The following GBE1 variants were observed in gnomAD, a reference collection of about 807,000 sequenced individuals.
The protein encoded by GBE1 is 1,4-alpha-glucan-branching enzyme.
In GBE1, 70 loss-of-function variants were observed where a neutral mutation model predicts 88.8. The observed-to-expected ratio is 0.79, with a 90% confidence interval of 0.65 to 0.96. GBE1 has a LOEUF of 0.96. Among genes scored for constraint, GBE1 ranks in the 40% least tolerant of loss-of-function variants. The pLI, the probability that GBE1 is intolerant of heterozygous loss-of-function variation, is 0.00. For synonymous variants in GBE1, 284 were observed against 300.1 expected, an observed-to-expected ratio of 0.95 and a Z score of 0.56; for missense variants, 872 against 871.0, an observed-to-expected ratio of 1.00 and a Z score of -0.01.
chr3:81,685,257 A>G (rs1705416309), intron 2 of GBE1, among the ~76,000 whole-genome samples: 1 of 152,120 alleles, frequency 6.6e-6, no homozygotes, highest in Non-Finnish European at 1.5e-5. Flanking sequence ...AAACCTATGC[A>G]CTGATAAGTG....
intron 2 of GBE1, among the ~76,000 whole-genome samples, chr3:81,674,417 TAAGA>T (rs1705226452): frequency 6.6e-6 from 1 of 151,952 alleles, no homozygotes. Flanking sequence ...AACACTTAGC[TAAGA>T]AAGAAGGAAC....
chr3:81,650,936 A>G (rs1704840794), intron 3 of GBE1, among the ~76,000 whole-genome samples: 1 of 152,174 alleles, frequency 6.6e-6, no homozygotes, highest in South Asian at 2.1e-4. Context: ...TCAGCCTCCC[A>G]GAGTGCTGAG....
intron 3 of GBE1, among the ~76,000 whole-genome samples, chr3:81,659,337 T>C (rs979968623): frequency 6.8e-6 from 1 of 147,288 alleles, no homozygotes; most frequent in African/African-American, 2.5e-5. Flanking sequence ...TCTTTTTTTA[T>C]TTTTTTTTTA....
intron 8 of GBE1, among the ~76,000 whole-genome samples, chr3:81,592,666 A>G (rs1703895350): frequency 6.6e-6 from 1 of 152,114 alleles, no homozygotes; most frequent in Non-Finnish European, 1.5e-5. Context: ...TTCTGTATCT[A>G]TAAAAAGCAC....
chr3:81,512,217 A>C (rs940746218), intron 14 of GBE1, among the ~76,000 whole-genome samples: 14 of 151,816 alleles, frequency 9.2e-5, no homozygotes, highest in African/African-American at 3.1e-4. Flanking sequence ...GGATGGAGGC[A>C]GTGTCTGAAA....
At chr3:81,607,614 C>G (rs970504753) in intron 7 of GBE1, among the ~76,000 whole-genome samples, 14 of 151,962 alleles carry the variant, frequency 9.2e-5, no homozygotes, top group Non-Finnish European at 4.4e-5. Flanking sequence ...GCTAACTATT[C>G]GTCTTGTCAT....
At chr3:81,694,212 G>A (rs188852153) in intron 2 of GBE1, among the ~76,000 whole-genome samples, 16 of 152,014 alleles carry the variant, frequency 1.1e-4, no homozygotes, top group Admixed American at 2.6e-4. Context: ...GGTAGAGAAC[G>A]AAGAAACTGA....
At chr3:81,582,249 C>T (rs1324868641) in intron 10 of GBE1, among the ~76,000 whole-genome samples, 3 of 152,074 alleles carry the variant, frequency 2.0e-5, no homozygotes, top group African/African-American at 7.2e-5. Flanking sequence ...CATAGATGTT[C>T]ACAACCTAAT....
chr3:81,719,840 G>GA (rs2107187875), intron 1 of GBE1, among the ~76,000 whole-genome samples: 2 of 152,044 alleles, frequency 1.3e-5, no homozygotes, highest in South Asian at 4.2e-4. Flanking sequence ...TCAAAGATCA[G>GA]AAAACTGATA....
At chr3:81,726,014 T>G (rs1360083528) in intron 1 of GBE1, among the ~76,000 whole-genome samples, 1 of 152,094 alleles carries the variant, frequency 6.6e-6, no homozygotes, top group Non-Finnish European at 1.5e-5. Context: ...ACATATTTCT[T>G]CTTAATAAAG....
In GBE1 at chr3:81,496,819, A is replaced by T. The variant is rs571445278; in HGVS notation, c.2052+2291T>A. The stretch of plus-strand genomic sequence containing the variant: ...TCTGTGTGGGCTCCCTTAATCTCAC[A>T]TTAAAACGAGTGATCTTATCATCTG... On this transcript the variant is annotated intron_variant, in intron 15 of 15. Coordinates refer to ENST00000429644, the MANE Select transcript of GBE1 (RefSeq NM_000158.4). Among the ~76,000 whole-genome samples the T allele has an allele frequency of 4.6e-5, 7 of 152,292 alleles. No individual in the cohort carries two copies. The South Asian group carries it at 1.5e-3, about 32-fold the overall frequency.
At chr3:81,562,763 T>C (rs962093751) in intron 12 of GBE1, among the ~76,000 whole-genome samples, 2 of 152,142 alleles carry the variant, frequency 1.3e-5, no homozygotes, top group Middle Eastern at 6.8e-3. Context: ...GAGAAACCTA[T>C]GTCTCTCTTA....
chr3:81,711,889 T>C (rs566284533), intron 1 of GBE1, among the ~76,000 whole-genome samples: 1 of 152,004 alleles, frequency 6.6e-6, no homozygotes, highest in East Asian at 1.9e-4. Flanking sequence ...TGGGAGAAAA[T>C]TTTTGCAATC....
At chr3:81,665,919 T>C (rs1705108313) in intron 3 of GBE1, among the ~76,000 whole-genome samples, 1 of 152,158 alleles carries the variant, frequency 6.6e-6, no homozygotes, top group Admixed American at 6.5e-5. Flanking sequence ...TAAAATTATG[T>C]TAGCTATTAT....
intron 14 of GBE1, among the ~76,000 whole-genome samples, chr3:81,518,927 G>C (rs891009653): frequency 3.3e-5 from 5 of 151,534 alleles, no homozygotes; most frequent in African/African-American, 1.2e-4. Context: ...TTTTACCAAA[G>C]TATCTAAAAC....
At chr3:81,497,473 T>C (rs1702515803) in intron 15 of GBE1, among the ~76,000 whole-genome samples, 1 of 152,278 alleles carries the variant, frequency 6.6e-6, no homozygotes, top group Admixed American at 6.5e-5. Flanking sequence ...GGGAAGATAA[T>C]ATGAATCATC....
chr3:81,745,639 T>C (rs563804072), intron 1 of GBE1, among the ~76,000 whole-genome samples: 1 of 152,192 alleles, frequency 6.6e-6, no homozygotes, highest in Non-Finnish European at 1.5e-5. Context: ...GAGTTACAAT[T>C]GTAGAATAAA....
At chr3:81,647,178 G>A (rs142008772) in intron 5 of GBE1, among the ~76,000 whole-genome samples, 3,748 of 151,944 alleles carry the variant, frequency 0.025, 84 homozygotes, top group Non-Finnish European at 0.035. Flanking sequence ...GGCTGGTCTC[G>A]AACTCCTGAC....
chr3:81,753,164 C>T (rs189941442), intron 1 of GBE1, among the ~76,000 whole-genome samples: 1 of 152,216 alleles, frequency 6.6e-6, no homozygotes, highest in African/African-American at 2.4e-5. Context: ...TATTTTAAAA[C>T]TCTACATAAT....
Sources: gnomAD v4.1 joint callset for allele counts (sites outside exome capture counted in the v4.1 genomes callset) on GRCh38, gnomAD v4.1.1 for gene constraint, MANE v1.5 for transcripts, NCBI Gene and HGNC (gene_info 2026-07-23, HGNC 2026-07-21) for gene names.